Variants in GOLT1A observed in about 807,000 individuals in gnomAD.
GOLT1A encodes golgi transport 1A, also known as vesicle transport protein GOT1A.
GOLT1A carries 10 observed loss-of-function variants against 16.1 expected under a neutral mutation model. That is an observed-to-expected ratio of 0.62 (90% confidence interval 0.38 to 1.05). The LOEUF (loss-of-function observed/expected upper bound fraction) is 1.05, where lower values mean the gene tolerates loss of function less well. Ranked by LOEUF, GOLT1A falls within the 50% of genes least tolerant of loss-of-function variation. The pLI is 0.01. For synonymous variants in GOLT1A, 60 were observed against 67.9 expected (o/e 0.88, Z 0.57); for missense variants, 137 against 165.7 (o/e 0.83, Z 0.95).
intron 1 of GOLT1A, among the ~76,000 whole-genome samples, chr1:204,208,221 A>G (rs995293674): frequency 6.6e-6 from 1 of 151,918 alleles, no homozygotes; most frequent in African/African-American, 2.4e-5. Flanking sequence ...TGTTTCTAGC[A>G]GCACAGTTTG....
intron 1 of GOLT1A, 115 bp from the exon 2 acceptor site, chr1:204,203,102 T>C: frequency 1.4e-6 from 1 of 703,040 alleles, no homozygotes; most frequent in Non-Finnish European, 2.5e-6. Context: ...TCCACTTCCA[T>C]CCAGGAATCT....
rs1437387199 is a variant in GOLT1A, at chr1:204,199,295, GC to G, written c.297-38del. On this transcript the variant is annotated intron_variant, in intron 3 of 4. Coordinates refer to ENST00000308302, the MANE Select transcript of GOLT1A (RefSeq NM_198447.2). The stretch of plus-strand genomic sequence containing the variant: ...GGGGAGAAGGGAGGAGTCAGTGATG[GC>G]CCAGGAAGAGAGGATAGAGGGCACG... 5.8e-6 allele frequency: 9 copies of G among 1,541,356 alleles called. No homozygotes were observed. The African/African-American group carries it at 1.2e-4, about 21-fold the overall frequency.
At chr1:204,199,126 G>A in intron 4 of GOLT1A, 69 bp downstream of exon 4, 1 of 1,367,652 alleles carries the variant, frequency 7.3e-7, no homozygotes, top group Non-Finnish European at 1.0e-6. Context: ...AGTTTTACCA[G>A]CTCCCCTCCG....
In GOLT1A at chr1:204,202,891, C is replaced by T. The variant is rs753202747; in HGVS notation, c.117+5G>A. On this transcript the variant is annotated splice_donor_5th_base_variant and intron_variant, in intron 2 of 4. Transcript: ENST00000308302. Reference sequence around the variant, plus strand: ...GGAGTGGGGACACAGGGCTGGGAGACTCACGTTTCCAAAGGCCAGGAGCAC... The same window carrying T: ...GGAGTGGGGACACAGGGCTGGGAGATTCACGTTTCCAAAGGCCAGGAGCAC... 3 of 1,612,124 alleles carry T rather than the reference C, an allele frequency of 1.9e-6. No homozygotes were observed. The highest frequency in any genetic ancestry group is 2.5e-6 in the Non-Finnish European group (3 of 1,178,270).
Position 204,209,892 on chromosome 1 carries a change from T to C in GOLT1A, c.25+3990A>G, listed in dbSNP as rs564197385. The stretch of plus-strand genomic sequence containing the variant: ...GGCCAACATGATGAAACCCCGTCTC[T>C]ACTAAAAATACAAAAAATTAGCCGG... On this transcript the variant is annotated intron_variant, in intron 1 of 4. Transcript: ENST00000308302. Among the ~76,000 whole-genome samples, 18 of 152,258 alleles carry C rather than the reference T, an allele frequency of 1.2e-4. No individual in the cohort carries two copies. In the South Asian group the frequency reaches 3.5e-3, roughly 30 times the overall value.
intron 2 of GOLT1A, among the ~76,000 whole-genome samples, chr1:204,202,123 G>A (rs1401385112): frequency 1.3e-5 from 2 of 152,028 alleles, no homozygotes; most frequent in Non-Finnish European, 2.9e-5. Context: ...GGGGAAGATG[G>A]AATCGGGAGG....
At chr1:204,210,200 T>C (rs551740067) in intron 1 of GOLT1A, among the ~76,000 whole-genome samples, 1 of 152,354 alleles carries the variant, frequency 6.6e-6, no homozygotes, top group African/African-American at 2.4e-5. Flanking sequence ...TGAACCATCA[T>C]CTGTTAGAAC....
At position 204,198,312 on chromosome 1, in the gene GOLT1A, G is replaced by A. The variant is rs1042609996; in HGVS notation, c.*146C>T. 4 of 721,362 alleles carry A rather than the reference G, an allele frequency of 5.5e-6. No individual in the cohort carries two copies. Among genetic ancestry groups the A allele is most frequent in the African/African-American group, 5.4e-5 (3 of 55,510 alleles). 44.7% of individuals were successfully genotyped at this position (721,362 alleles called of 1,614,324 possible). A position where few individuals can be genotyped will look rare whatever the true frequency, so the allele number is the denominator to read the frequency against. ...TCGACTTGGGGATTTGACGTCAGTT[G>A]CTCAGCTCCATTCCTTCCTTCTGGA... is the stretch of plus-strand genomic sequence containing the variant. On this transcript the variant is annotated 3_prime_UTR_variant, in exon 5 of 5. Transcript: ENST00000308302.
At chr1:204,200,662 T>C (rs891171691) in intron 3 of GOLT1A, among the ~76,000 whole-genome samples, 4 of 152,100 alleles carry the variant, frequency 2.6e-5, no homozygotes, top group African/African-American at 9.7e-5. Flanking sequence ...AATAAATAGA[T>C]GGCAGGTATG....
intron 1 of GOLT1A, among the ~76,000 whole-genome samples, chr1:204,211,367 G>A (rs1659134741): frequency 6.6e-6 from 1 of 152,152 alleles, no homozygotes; most frequent in Non-Finnish European, 1.5e-5. Context: ...CCTATTGCCT[G>A]CCATGCTCCA....
At chr1:204,206,393 C>T (rs532638007) in intron 1 of GOLT1A, among the ~76,000 whole-genome samples, 59 of 152,346 alleles carry the variant, frequency 3.9e-4, no homozygotes, top group African/African-American at 1.3e-3. Flanking sequence ...CAGAATATCA[C>T]CCCCATGGGT....
chr1:204,198,205 T>C lies in GOLT1A; in HGVS notation c.*253A>G, dbSNP rs1658891855. On this transcript the variant is annotated 3_prime_UTR_variant, in exon 5 of 5. Transcript: ENST00000308302. Reference sequence around the variant, plus strand: ...AATTTAATCTTCACTTTTCCTCCCATAAATATAGAGTGAGGGTGTGATACC... The same window carrying C: ...AATTTAATCTTCACTTTTCCTCCCACAAATATAGAGTGAGGGTGTGATACC... 1 of 482,468 alleles carries C rather than the reference T, an allele frequency of 2.1e-6. No homozygotes were observed. The highest frequency in any genetic ancestry group is 3.7e-6 in the Non-Finnish European group (1 of 273,428). The allele number at this position is 482,468 out of a possible 1,614,324, so 29.9% of individuals were successfully genotyped here.
At chr1:204,213,188 C>T (rs1018233262) in intron 1 of GOLT1A, among the ~76,000 whole-genome samples, 3 of 152,182 alleles carry the variant, frequency 2.0e-5, no homozygotes, top group Non-Finnish European at 4.4e-5. Flanking sequence ...CCTGTCTCCC[C>T]TCTCTAGAAT....
chr1:204,208,669 C>T (rs2102339696), intron 1 of GOLT1A, among the ~76,000 whole-genome samples: 1 of 151,410 alleles, frequency 6.6e-6, no homozygotes, highest in South Asian at 2.1e-4. Context: ...GATGCAAAGG[C>T]ATAAGAATGA....
At chr1:204,210,956 C>G (rs768407812) in intron 1 of GOLT1A, among the ~76,000 whole-genome samples, 26 of 152,218 alleles carry the variant, frequency 1.7e-4, no homozygotes, top group Admixed American at 7.2e-4. Context: ...GTAAACATGT[C>G]ACCACCGCCC....
At chr1:204,208,978 A>G (rs1168794709) in intron 1 of GOLT1A, among the ~76,000 whole-genome samples, 2 of 152,202 alleles carry the variant, frequency 1.3e-5, no homozygotes, top group Non-Finnish European at 2.9e-5. Context: ...TTACTCCAGT[A>G]GCATCATTTA....
rs1658893922 is a variant in GOLT1A, at chr1:204,198,300, T to C, written c.*158A>G. ...CAGCCTCTTGAGTCGACTTGGGGATTTGACGTCAGTTGCTCAGCTCCATTC... is the reference window on the plus strand; with the variant it reads ...CAGCCTCTTGAGTCGACTTGGGGATCTGACGTCAGTTGCTCAGCTCCATTC... On this transcript the variant is annotated 3_prime_UTR_variant, in exon 5 of 5. Coordinates refer to ENST00000308302, the MANE Select transcript of GOLT1A (RefSeq NM_198447.2). The C allele has an allele frequency of 4.6e-6, 3 of 658,356 alleles. No individual in the cohort carries two copies. The highest frequency in any genetic ancestry group is 3.7e-5 in the African/African-American group (2 of 54,336). The allele number at this position is 658,356 out of a possible 1,614,324, so 40.8% of individuals were successfully genotyped here. A position where few individuals can be genotyped will look rare whatever the true frequency, so the allele number is the denominator to read the frequency against.
At chr1:204,201,586 C>A in intron 3 of GOLT1A, 47 bp downstream of exon 3, 1 of 1,587,308 alleles carries the variant, frequency 6.3e-7, no homozygotes, top group Non-Finnish European at 8.6e-7. Context: ...CTCAGCCACT[C>A]AGACACTTTG....
At chr1:204,198,898 A>T in intron 4 of GOLT1A, 1 of 499,496 alleles carries the variant, frequency 2.0e-6, no homozygotes, top group South Asian at 2.7e-5. Flanking sequence ...TGAGTCACCT[A>T]GAGTCTCTGC....
Sources: gnomAD v4.1 joint callset for allele counts (sites outside exome capture counted in the v4.1 genomes callset) on GRCh38, gnomAD v4.1.1 for gene constraint, MANE v1.5 for transcripts, NCBI Gene and HGNC (gene_info 2026-07-23, HGNC 2026-07-21) for gene names.